Variants in REV3L observed in about 807,000 individuals in gnomAD.
REV3L encodes REV3 like, DNA directed polymerase zeta catalytic subunit, also known as DNA polymerase zeta catalytic subunit.
In REV3L, 69 loss-of-function variants were observed where a neutral mutation model predicts 299.4. That is an observed-to-expected ratio of 0.23 (90% CI 0.19 to 0.28). The LOEUF (loss-of-function observed/expected upper bound fraction) is 0.28. Among genes scored for constraint, REV3L ranks in the 10% least tolerant of loss-of-function variants. The pLI is 1.00. For synonymous variants in REV3L, 1,238 were observed against 1,271.4 expected, an observed-to-expected ratio of 0.97 and a Z score of 0.56; for missense variants, 3,128 against 3,693.8, an observed-to-expected ratio of 0.85 and a Z score of 3.97.
chr6:111,350,910 G>A (rs569346306), intron 19 of REV3L, among the ~76,000 whole-genome samples: 2 of 152,004 alleles, frequency 1.3e-5, no homozygotes, highest in East Asian at 3.9e-4. Flanking sequence ...TTTTTGCAAA[G>A]CTAAAAAACT....
intron 1 of REV3L, among the ~76,000 whole-genome samples, chr6:111,443,443 C>A (rs912322772): frequency 6.6e-6 from 1 of 152,136 alleles, no homozygotes; most frequent in Non-Finnish European, 1.5e-5. Context: ...ATTGTAGATA[C>A]CTGCTTATAT....
chr6:111,372,498 C>A, intron 13 of REV3L, 98 bp downstream of exon 13: 4 of 919,646 alleles, frequency 4.3e-6, no homozygotes, highest in Non-Finnish European at 6.0e-6. Context: ...AGTCAGGTAA[C>A]CAAATGTTGC....
chr6:111,380,481 G>A (rs1286997855), intron 10 of REV3L, among the ~76,000 whole-genome samples: 4 of 152,030 alleles, frequency 2.6e-5, no homozygotes, highest in South Asian at 2.1e-4. Context: ...GGATGGTCTC[G>A]ATCTCCTGAC....
chr6:111,324,067 T>C (rs1774482725), intron 25 of REV3L, among the ~76,000 whole-genome samples: 1 of 152,192 alleles, frequency 6.6e-6, no homozygotes, highest in East Asian at 1.9e-4. Context: ...TGGTGTGAGC[T>C]TGGCTCACTG....
At position 111,414,428 on chromosome 6, in the gene REV3L, G is replaced by C. The variant is rs1053653878; in HGVS notation, c.329+1855C>G. 4.1e-4 allele frequency among the ~76,000 whole-genome samples: 62 copies of C among 152,100 alleles called. 1 individual carries two copies. The highest frequency in any genetic ancestry group is 2.6e-3 in the Admixed American group (40 of 15,272). On this transcript the variant is annotated intron_variant, in intron 2 of 31. Transcript: ENST00000368802. ...AGAGTTTCAGAGGTAGATGGGGTGA[G>C]GTCACATAGGTTATGGCTAGAAGTT...
intron 1 of REV3L, among the ~76,000 whole-genome samples, chr6:111,463,019 G>T (rs2128327507): frequency 6.6e-6 from 1 of 152,134 alleles, no homozygotes; most frequent in African/African-American, 2.4e-5. Context: ...AGAGCATAAG[G>T]TCCTTGCAGT....
intron 1 of REV3L, among the ~76,000 whole-genome samples, chr6:111,472,338 T>C (rs886399833): frequency 1.3e-5 from 2 of 152,160 alleles, no homozygotes; most frequent in African/African-American, 4.8e-5. Context: ...ATATATTTCT[T>C]TTAATTCTTG....
At chr6:111,464,220 T>C (rs149191334) in intron 1 of REV3L, among the ~76,000 whole-genome samples, 1 of 152,206 alleles carries the variant, frequency 6.6e-6, no homozygotes, top group Non-Finnish European at 1.5e-5. Context: ...CTCAATCCAG[T>C]AGAGGTACAC....
At chr6:111,326,370 T>C (rs1306286693) in intron 25 of REV3L, among the ~76,000 whole-genome samples, 1 of 152,034 alleles carries the variant, frequency 6.6e-6, no homozygotes, top group Non-Finnish European at 1.5e-5. Flanking sequence ...TGACTAACAT[T>C]ACTAATTAGA....
intron 1 of REV3L, among the ~76,000 whole-genome samples, chr6:111,457,576 A>G (rs6935475): frequency 0.026 from 3,899 of 152,038 alleles, 146 homozygotes; most frequent in African/African-American, 0.088. Context: ...TTTTGAAATA[A>G]TTGATGCTTC....
At chr6:111,386,717 ATTTTTTTTTTTT>A (rs67124715) in intron 9 of REV3L, among the ~76,000 whole-genome samples, 4 of 97,674 alleles carry the variant, frequency 4.1e-5, no homozygotes, top group African/African-American at 1.6e-4. Flanking sequence ...TAACAGCACT[ATTTTTTTTTTTT>A]TTTTTTTTTT....
In REV3L at chr6:111,372,713, A is replaced by C. The variant is rs1779921196; in HGVS notation, c.5642T>G (p.Leu1881Arg). The C allele has an allele frequency of 6.2e-7, 1 of 1,609,504 alleles. No homozygotes were observed. Among genetic ancestry groups the C allele is most frequent in the African/African-American group, 1.3e-5 (1 of 74,784 alleles). The change falls in exon 13 of 32, where the codon CTT (leucine) becomes CGT (arginine). Residue 1881 changes from leucine to arginine, a missense_variant. Coordinates refer to ENST00000368802, the MANE Select transcript of REV3L (RefSeq NM_001372078.1). ...TTCTTCCCTACTTGGGGGGGACATA[A>C]GTGGTTTCAGAATGTTAGCAGTTCG... ...TPRTANILKPLMSPPSREEIM... is the reference protein window; with the variant it reads ...TPRTANILKPRMSPPSREEIM...
At chr6:111,430,522 G>T (rs1786775613) in intron 1 of REV3L, 3 of 1,564,044 alleles carry the variant, frequency 1.9e-6, no homozygotes, top group Middle Eastern at 4.2e-4. Flanking sequence ...AAAATTCTTA[G>T]ACATGAAAGA....
At chr6:111,378,919 A>C (rs531587239) in intron 11 of REV3L, among the ~76,000 whole-genome samples, 1 of 152,244 alleles carries the variant, frequency 6.6e-6, no homozygotes, top group Admixed American at 6.5e-5. Context: ...TTCCTTTTTC[A>C]GTATTCTTAA....
At chr6:111,377,622 C>A in intron 12 of REV3L, 79 bp downstream of exon 12, 1 of 1,398,912 alleles carries the variant, frequency 7.1e-7, no homozygotes, top group South Asian at 1.3e-5. Flanking sequence ...CAGGTGTGAG[C>A]CAGAGCGCCT....
At chr6:111,424,188 G>A (rs1440002473) in intron 1 of REV3L, among the ~76,000 whole-genome samples, 1 of 152,152 alleles carries the variant, frequency 6.6e-6, no homozygotes, top group Non-Finnish European at 1.5e-5. Flanking sequence ...AGGCAAGAAA[G>A]GGAAGCTAAT....
At chr6:111,349,812 G>A (rs192444851) in intron 19 of REV3L, among the ~76,000 whole-genome samples, 9 of 152,288 alleles carry the variant, frequency 5.9e-5, no homozygotes, top group Admixed American at 5.9e-4. Flanking sequence ...AAAAAAACTA[G>A]TTCAATTTTT....
intron 14 of REV3L, among the ~76,000 whole-genome samples, chr6:111,366,401 A>G (rs989851434): frequency 1.3e-5 from 2 of 152,196 alleles, no homozygotes; most frequent in African/African-American, 4.8e-5. Flanking sequence ...GATCATTTAG[A>G]GAAAGATATA....
At chr6:111,406,133 G>C (rs1302461217) in intron 3 of REV3L, among the ~76,000 whole-genome samples, 2 of 152,052 alleles carry the variant, frequency 1.3e-5, no homozygotes, top group Non-Finnish European at 2.9e-5. Context: ...ATCTAGAAAA[G>C]ATACTAAACA....
Sources: allele counts gnomAD v4.1 joint callset (sites outside exome capture counted in the v4.1 genomes callset), GRCh38; gene constraint gnomAD v4.1.1; transcripts MANE v1.5; gene names NCBI Gene and HGNC (gene_info 2026-07-23, HGNC 2026-07-21).